ARSG: variants seen among roughly 807,000 people sequenced by gnomAD.
ARSG encodes the protein ASG.
In ARSG, 37 loss-of-function variants were observed where a neutral mutation model predicts 50.5. The ratio of observed to expected loss-of-function variants is 0.73; its 90% CI spans 0.56 to 0.96. The LOEUF is 0.96. ARSG is among the 50% of genes least tolerant of loss of function. ARSG has a pLI of 0.00. For missense variants in ARSG, 629 were observed against 675.3 expected, an observed-to-expected ratio of 0.93 and a Z score of 0.76; for synonymous variants, 225 against 254.6, an observed-to-expected ratio of 0.88 and a Z score of 1.11.
At position 68,325,603 on chromosome 17, in the gene ARSG, C is replaced by T. The variant is rs117314895; in HGVS notation, c.218+17892C>T. On this transcript the variant is annotated intron_variant, in intron 2 of 11. Coordinates refer to ENST00000621439, the MANE Select transcript of ARSG (RefSeq NM_001267727.2). The stretch of plus-strand genomic sequence containing the variant: ...GCCAGGACTCTCTGGTTGTAAGTGA[C>T]GGAAACCCAACTCAATCAACCTAAA... 4.0e-3 allele frequency among the ~76,000 whole-genome samples: 603 copies of T among 152,172 alleles called. 21 individuals are homozygous for T. In the East Asian group the frequency reaches 0.055, roughly 14 times the overall value.
Position 68,420,622 on chromosome 17 carries a change from TC to T in ARSG, c.*161del. The T allele has an allele frequency of 1.2e-6, 1 of 853,194 alleles. No individual in the cohort carries two copies. The highest frequency in any genetic ancestry group is 1.8e-6 in the Non-Finnish European group (1 of 557,104). 52.9% of individuals were successfully genotyped at this position (853,194 alleles called of 1,614,324 possible). On this transcript the variant is annotated 3_prime_UTR_variant, in exon 12 of 12. Coordinates refer to ENST00000621439, the MANE Select transcript of ARSG (RefSeq NM_001267727.2). ...TATCCCTTCTGTATCCTGTCCCTCC[TC>T]CACGCCGACCCGAGAGCAGCTGAGC...
intron 9 of ARSG, among the ~76,000 whole-genome samples, chr17:68,389,156 T>C (rs1197359622): frequency 6.6e-6 from 1 of 152,148 alleles, no homozygotes; most frequent in African/African-American, 2.4e-5. Context: ...CCTAACCACA[T>C]GTCGCCTTTC....
chr17:68,425,595 G>A (rs1282123099), downstream of ARSG, among the ~76,000 whole-genome samples: 1 of 152,096 alleles, frequency 6.6e-6, no homozygotes, highest in African/African-American at 2.4e-5. Context: ...GTAAGTGAGG[G>A]TCAAGCTGGT....
chr17:68,366,084 C>A (rs1375582530), intron 6 of ARSG, among the ~76,000 whole-genome samples: 1 of 151,850 alleles, frequency 6.6e-6, no homozygotes, highest in Non-Finnish European at 1.5e-5. Context: ...ATTACAGGCA[C>A]CTGCCACCAC....
chr17:68,264,722 C>T (rs1295553128), intron 1 of ARSG, among the ~76,000 whole-genome samples: 1 of 151,800 alleles, frequency 6.6e-6, no homozygotes, highest in East Asian at 1.9e-4. Context: ...CAGGCGTGAG[C>T]CACTGCACCT....
At chr17:68,291,470 G>T (rs1427550169), upstream of ARSG, 1 of 150,804 alleles carries the variant, frequency 6.6e-6, no homozygotes, top group African/African-American at 2.4e-5. Flanking sequence ...CGCAGCCAAG[G>T]AGGGGGCCTG....
intron 2 of ARSG, among the ~76,000 whole-genome samples, chr17:68,316,184 G>T (rs2077064695): frequency 1.3e-5 from 2 of 152,146 alleles, no homozygotes; most frequent in Non-Finnish European, 2.9e-5. Context: ...CTCTCCTCAG[G>T]CTTCAAGCAG....
chr17:68,344,706 G>T (rs527661617), intron 3 of ARSG, among the ~76,000 whole-genome samples: 1 of 152,358 alleles, frequency 6.6e-6, no homozygotes, highest in South Asian at 2.1e-4. Context: ...ATTCCCAGAA[G>T]TATCCTCAGC....
At chr17:68,352,092 A>AGAGAGAGAGAGAGAGAGAGAGAGAG (rs2078799747) in intron 5 of ARSG, among the ~76,000 whole-genome samples, 1 of 104,574 alleles carries the variant, frequency 9.6e-6, no homozygotes, top group Non-Finnish European at 1.9e-5. Context: ...GACAGAGGAG[A>AGAGAGAGAGAGAGAGAGAGAGAGAG]GAGAGAGAGA....
chr17:68,374,411 C>T (rs984071109), intron 8 of ARSG, among the ~76,000 whole-genome samples: 4 of 152,066 alleles, frequency 2.6e-5, no homozygotes, highest in African/African-American at 9.7e-5. Flanking sequence ...GTGGCTTCTC[C>T]GTGGGGAGAA....
chr17:68,408,337 A>G (rs1345730965), intron 11 of ARSG, among the ~76,000 whole-genome samples: 1 of 131,668 alleles, frequency 7.6e-6, no homozygotes. Context: ...ATGTGTTCTC[A>G]TTGTTCAATT....
intron 2 of ARSG, among the ~76,000 whole-genome samples, chr17:68,336,617 C>T (rs1327905950): frequency 1.3e-5 from 2 of 152,136 alleles, no homozygotes; most frequent in African/African-American, 4.8e-5. Flanking sequence ...CTTTGGGAGG[C>T]CAGGGCGGGA....
At chr17:68,374,722 G>A (rs562302433) in intron 8 of ARSG, among the ~76,000 whole-genome samples, 9 of 151,588 alleles carry the variant, frequency 5.9e-5, no homozygotes, top group East Asian at 5.8e-4. Flanking sequence ...TATGGTGGCG[G>A]GCACCTGTAA....
the ARSG span, among the ~76,000 whole-genome samples, chr17:68,442,155 A>G: frequency 2.0e-5 from 3 of 152,310 alleles, no homozygotes; most frequent in South Asian, 6.2e-4. Context: ...AAACAACTAT[A>G]TTTGCTAAAA....
At chr17:68,333,628 C>CAAA (rs567342286) in intron 2 of ARSG, among the ~76,000 whole-genome samples, 1 of 102,408 alleles carries the variant, frequency 9.8e-6, no homozygotes, top group Non-Finnish European at 1.9e-5. Flanking sequence ...AACTCTGTCT[C>CAAA]AAAAATAATA....
intron 2 of ARSG, among the ~76,000 whole-genome samples, chr17:68,332,133 G>T (rs1375889644): frequency 6.6e-6 from 1 of 152,172 alleles, no homozygotes; most frequent in Non-Finnish European, 1.5e-5. Flanking sequence ...CATCCTTTAT[G>T]TACAACCGTG....
At chr17:68,336,903 A>G (rs918355909) in intron 2 of ARSG, among the ~76,000 whole-genome samples, 1 of 152,090 alleles carries the variant, frequency 6.6e-6, no homozygotes, top group Non-Finnish European at 1.5e-5. Flanking sequence ...AAAGAAAAAT[A>G]TTTGTACTAG....
intron 1 of ARSG, among the ~76,000 whole-genome samples, chr17:68,266,336 T>C (rs1555746359): frequency 7.0e-6 from 1 of 142,398 alleles, no homozygotes; most frequent in Non-Finnish European, 1.5e-5. Flanking sequence ...AAACTCAACA[T>C]AAAATAAAAT....
chr17:68,331,599 C>T (rs1010494859), intron 2 of ARSG, among the ~76,000 whole-genome samples: 22 of 152,052 alleles, frequency 1.4e-4, no homozygotes, highest in Non-Finnish European at 1.0e-4. Flanking sequence ...TGAGCTCAGA[C>T]AATCCGCCTA....
Sources: gnomAD v4.1 joint callset for allele counts (sites outside exome capture counted in the v4.1 genomes callset) on GRCh38, gnomAD v4.1.1 for gene constraint, MANE v1.5 for transcripts, NCBI Gene and HGNC (gene_info 2026-07-23, HGNC 2026-07-21) for gene names.